Variants in LHX5 observed in about 807,000 individuals in gnomAD.
LHX5 encodes LIM/homeobox protein Lhx5.
In LHX5, 5 loss-of-function variants were observed where a neutral mutation model predicts 30.6. That is an observed-to-expected ratio of 0.16 (90% confidence interval 0.09 to 0.34). The LOEUF is 0.34. Ranked by LOEUF, LHX5 falls within the 10% of genes least tolerant of loss-of-function variation. The pLI, the probability that LHX5 is intolerant of heterozygous loss-of-function variation, is 1.00. For missense variants in LHX5, 458 were observed against 570.6 expected (o/e 0.80, Z 2.01); for synonymous variants, 266 against 252.6 (o/e 1.05, Z -0.50).
In LHX5 at chr12:113,465,678, TC is replaced by T. The variant is rs1344335573; in HGVS notation, c.841+1577del. 2.0e-5 allele frequency among the ~76,000 whole-genome samples: 3 copies of T among 152,324 alleles called. No individual in the cohort carries two copies. The highest frequency in any genetic ancestry group is 2.0e-4 in the Admixed American group (3 of 15,304). On this transcript the variant is annotated intron_variant, in intron 4 of 4. Coordinates refer to ENST00000261731, the MANE Select transcript of LHX5 (RefSeq NM_022363.3). This position sits in a 1 kb window ranked among gnomAD's most constrained non-coding sequence, Gnocchi z 6.7. ...GGTCGGGGCGGGGGCGAAGTGGTCC[TC>T]GGGGAAACCTTGGTTAATTATCCAG...
rs997440066 is a variant in LHX5 at position 113,467,515 on chromosome 12, T to C, written c.676-94A>G. ...TGACTGGGCTGCCCCTGCTGGGTCC[T>C]TGCGCCTCTTCCGCACCAGGACTCC... On this transcript the variant is annotated intron_variant, in intron 3 of 4. Transcript: ENST00000261731. This position sits in a 1 kb window ranked among gnomAD's most constrained non-coding sequence, Gnocchi z 6.3. The C allele has an allele frequency of 8.5e-7, 1 of 1,177,760 alleles. No homozygotes were observed. The highest frequency in any genetic ancestry group is 1.6e-5 in the African/African-American group (1 of 63,260). The allele number at this position is 1,177,760 out of a possible 1,614,324, so 73.0% of individuals were successfully genotyped here. A position where few individuals can be genotyped will look rare whatever the true frequency, so the allele number is the denominator to read the frequency against.
chr12:113,466,754 G>T lies in LHX5; in HGVS notation c.841+502C>A, dbSNP rs551823509. Among the ~76,000 whole-genome samples, 34 of 152,248 alleles carry T rather than the reference G, an allele frequency of 2.2e-4. No individual in the cohort carries two copies. Among genetic ancestry groups the T allele is most frequent in the African/African-American group, 7.7e-4 (32 of 41,548 alleles). On this transcript the variant is annotated intron_variant, in intron 4 of 4. Transcript: ENST00000261731. The surrounding 1 kb of genome is among the most constrained non-coding windows in gnomAD (Gnocchi z 6.5). Reference sequence around the variant, plus strand: ...CCCTCCCCTCACACTACCCTCCAGCGCTCGGAATCCACCTCATGCCAAGTA... The same window carrying T: ...CCCTCCCCTCACACTACCCTCCAGCTCTCGGAATCCACCTCATGCCAAGTA...
At chr12:113,470,911 T>A (rs1028666411) in intron 1 of LHX5, among the ~76,000 whole-genome samples, 2 of 152,236 alleles carry the variant, frequency 1.3e-5, no homozygotes, top group African/African-American at 4.8e-5. Flanking sequence ...TTGCGGCCGA[T>A]GGGCTCACAC....
At position 113,463,446 on chromosome 12, in the gene LHX5, G is replaced by A; in HGVS notation, c.953C>T (p.Pro318Leu). ...CAGCGCTCCCAGCGGCGTCGAGCCG[G>A]GGCCAGAGGCCGCCAGGAAGCTGGA... ...ADSSFLAASGPGSTPLGALEP... is the reference protein window; with the variant it reads ...ADSSFLAASGLGSTPLGALEP... Residue 318 changes from proline (P) to leucine (L), a missense_variant, in exon 5 of 5, where the codon CCC (proline) becomes CTC (leucine). Transcript: ENST00000261731. The surrounding 1 kb of genome is among the most constrained non-coding windows in gnomAD (Gnocchi z 6.7). 1.3e-6 allele frequency: 2 copies of A among 1,556,558 alleles called. No homozygotes were observed. Among genetic ancestry groups the A allele is most frequent in the Non-Finnish European group, 1.7e-6 (2 of 1,154,794 alleles).
Position 113,465,268 on chromosome 12 carries a change from G to A in LHX5, c.842-1711C>T, listed in dbSNP as rs1279097807. Among the ~76,000 whole-genome samples, 2 of 152,198 alleles carry A rather than the reference G, an allele frequency of 1.3e-5. No individual in the cohort carries two copies. The highest frequency in any genetic ancestry group is 4.8e-5 in the African/African-American group (2 of 41,458). On this transcript the variant is annotated intron_variant, in intron 4 of 4. Transcript: ENST00000261731. The surrounding 1 kb of genome is among the most constrained non-coding windows in gnomAD (Gnocchi z 6.7). Reference sequence around the variant, plus strand: ...GGGAAGATGGGGAGCGGCAAATTTGGAGCCCCAAAGGGACAGGGATGGGAG... The same window carrying A: ...GGGAAGATGGGGAGCGGCAAATTTGAAGCCCCAAAGGGACAGGGATGGGAG...
rs34344688 is a variant in LHX5 at position 113,465,644 on chromosome 12, G to A, written c.841+1612C>T. Among the ~76,000 whole-genome samples the A allele has an allele frequency of 0.02, 3,063 of 152,344 alleles. 36 individuals are homozygous for A. The highest frequency in any genetic ancestry group is 0.046 in the South Asian group (222 of 4,828). On this transcript the variant is annotated intron_variant, in intron 4 of 4. Transcript: ENST00000261731. This position sits in a 1 kb window ranked among gnomAD's most constrained non-coding sequence, Gnocchi z 6.7. Reference sequence around the variant, plus strand: ...CATCCAGCGCGCAGGGAGAGGAGGCGGTGGGATAGGTCGGGGCGGGGGCGA... The same window carrying A: ...CATCCAGCGCGCAGGGAGAGGAGGCAGTGGGATAGGTCGGGGCGGGGGCGA...
At position 113,467,276 on chromosome 12, in the gene LHX5, G is replaced by C. The variant is rs990972390; in HGVS notation, c.821C>G (p.Thr274Ser). 1.1e-5 allele frequency: 16 copies of C among 1,516,850 alleles called. No homozygotes were observed. The African/African-American group carries it at 2.2e-4, about 21-fold the overall frequency. The allele number at this position is 1,516,850 out of a possible 1,614,324, so 94.0% of individuals were successfully genotyped here. Residue 274 changes from threonine to serine, a missense_variant, in exon 4 of 5, where the codon ACC (threonine) becomes AGC (serine). Coordinates refer to ENST00000261731, the MANE Select transcript of LHX5 (RefSeq NM_022363.3). The surrounding 1 kb of genome is among the most constrained non-coding windows in gnomAD (Gnocchi z 6.3). Reference sequence around the variant, plus strand: ...CTTACCTCCGTAGTAGGTGTACGGGGTGGACCCCAACATCTCAGACTCGTC... The same window carrying C: ...CTTACCTCCGTAGTAGGTGTACGGGCTGGACCCCAACATCTCAGACTCGTC... Reference protein sequence around the residue: ...RLDESEMLGSTPYTYYGDYQG... With the variant: ...RLDESEMLGSSPYTYYGDYQG...
Position 113,471,750 on chromosome 12 carries a change from C to T in LHX5, c.-252G>A, listed in dbSNP as rs918960683. ...CGGGCCGCACGCCCCGGCGCCTGTT[C>T]CGGGCTTCCCCAGGTATCTCGGGTG... is the stretch of plus-strand genomic sequence containing the variant. On this transcript the variant is annotated 5_prime_UTR_variant, in exon 1 of 5. Coordinates refer to ENST00000261731, the MANE Select transcript of LHX5 (RefSeq NM_022363.3). 13 of 457,262 alleles carry T rather than the reference C, an allele frequency of 2.8e-5. No individual in the cohort carries two copies. The highest frequency in any genetic ancestry group is 1.2e-4 in the Admixed American group (3 of 24,168). The allele number at this position is 457,262 out of a possible 1,614,324, so 28.3% of individuals were successfully genotyped here.
chr12:113,462,934 C>T lies in LHX5; in HGVS notation c.*256G>A. ...CCCTCCGGAGTATTGACTTTGGTCC[C>T]AAGAAATTGCTCGCGGTTGCTGGGA... is the stretch of plus-strand genomic sequence containing the variant. On this transcript the variant is annotated 3_prime_UTR_variant, in exon 5 of 5. Transcript: ENST00000261731. The T allele has an allele frequency of 2.4e-6, 1 of 415,660 alleles. No homozygotes were observed. The allele number at this position is 415,660 out of a possible 1,614,324, so 25.7% of individuals were successfully genotyped here.
Position 113,463,307 on chromosome 12 carries a change from C to T in LHX5, c.1092G>A (p.Met364Ile). ...GCCCGCCGCTGAATACCTCGCCGGG[C>T]ATGGGGTGCAGCGTGCCCGGCAGGC... ...EPGLPGTLHP[M>I]PGEVFSGGPS... Residue 364 changes from methionine to isoleucine, a missense_variant, in exon 5 of 5, where the codon ATG (methionine) becomes ATA (isoleucine). Physicochemically the swap from Met to Ile is conservative, Grantham distance 10. Around this residue, in one of 3 missense-constraint regions of LHX5, gnomAD observed 255 missense variants for 246.8 expected, o/e 1.03. Coordinates refer to ENST00000261731, the MANE Select transcript of LHX5 (RefSeq NM_022363.3). The surrounding 1 kb of genome is among the most constrained non-coding windows in gnomAD (Gnocchi z 6.7). 2 of 1,533,058 alleles carry T rather than the reference C, an allele frequency of 1.3e-6. No individual in the cohort carries two copies. The highest frequency in any genetic ancestry group is 1.2e-5 in the South Asian group (1 of 83,008). 95.0% of individuals were successfully genotyped at this position (1,533,058 alleles called of 1,614,324 possible).
chr12:113,469,410 C>G lies in LHX5; in HGVS notation c.174-65G>C, dbSNP rs903386637. On this transcript the variant is annotated intron_variant, in intron 1 of 4. Transcript: ENST00000261731. ...CATCCAGCCCTCCCCAGCCCCTGAC[C>G]TCTTCCCACCCGACCTGGCTTCGGT... 6.9e-6 allele frequency: 10 copies of G among 1,457,342 alleles called. No homozygotes were observed. The African/African-American group carries it at 1.3e-4, about 18-fold the overall frequency. The allele number at this position is 1,457,342 out of a possible 1,614,324, so 90.3% of individuals were successfully genotyped here. A position where few individuals can be genotyped will look rare whatever the true frequency, so the allele number is the denominator to read the frequency against.
In LHX5 at chr12:113,471,536, C is replaced by A; in HGVS notation, c.-38G>T. The stretch of plus-strand genomic sequence containing the variant: ...CGGCGGCTTCGGCCGCCTTGCCCTC[C>A]CTTTGGGCCCCTGGCCCTCGGGCCT... On this transcript the variant is annotated 5_prime_UTR_variant, in exon 1 of 5. Coordinates refer to ENST00000261731, the MANE Select transcript of LHX5 (RefSeq NM_022363.3). 1 of 1,545,214 alleles carries A rather than the reference C, an allele frequency of 6.5e-7. No individual in the cohort carries two copies.
chr12:113,463,780 C>A lies in LHX5; in HGVS notation c.842-223G>T, dbSNP rs1038715120. 1.3e-5 allele frequency among the ~76,000 whole-genome samples: 2 copies of A among 152,026 alleles called. No individual in the cohort carries two copies. Among genetic ancestry groups the A allele is most frequent in the East Asian group, 3.9e-4 (2 of 5,186 alleles). ...GAGACAATGAGAGATCTCGAAAGGG[C>A]AAGAGACTCAGACTGCCAGAGACCA... On this transcript the variant is annotated intron_variant, in intron 4 of 4. Transcript: ENST00000261731. This position sits in a 1 kb window ranked among gnomAD's most constrained non-coding sequence, Gnocchi z 6.7.
In LHX5 at chr12:113,471,248, G is replaced by A. The variant is rs564071216; in HGVS notation, c.173+78C>T. 56 of 1,461,464 alleles carry A rather than the reference G, an allele frequency of 3.8e-5. No homozygotes were observed. The Admixed American group carries it at 8.4e-4, about 22-fold the overall frequency. 90.5% of individuals were successfully genotyped at this position (1,461,464 alleles called of 1,614,324 possible). A position where few individuals can be genotyped will look rare whatever the true frequency, so the allele number is the denominator to read the frequency against. On this transcript the variant is annotated intron_variant, in intron 1 of 4. Transcript: ENST00000261731. ...TCCGGGGAGGCTGGGATGGGGATGG[G>A]GGTATCCCCTTCCCCAGCGCCCCAG...
At chr12:113,470,723 C>A (rs1958244492) in intron 1 of LHX5, among the ~76,000 whole-genome samples, 1 of 152,328 alleles carries the variant, frequency 6.6e-6, no homozygotes, top group East Asian at 1.9e-4. Context: ...GGAGGTGCCA[C>A]AGCCCAGTCT....
intron 1 of LHX5, 101 bp downstream of exon 1, chr12:113,471,225 C>T (rs1408213712): frequency 1.6e-6 from 2 of 1,255,370 alleles, no homozygotes; most frequent in South Asian, 1.4e-5. Flanking sequence ...GCTTGTGATC[C>T]GGGGAGGCTG....
chr12:113,471,781 T>C lies in LHX5; in HGVS notation c.-283A>G. 2 of 425,274 alleles carry C rather than the reference T, an allele frequency of 4.7e-6. No individual in the cohort carries two copies. 26.3% of individuals were successfully genotyped at this position (425,274 alleles called of 1,614,324 possible). A position where few individuals can be genotyped will look rare whatever the true frequency, so the allele number is the denominator to read the frequency against. On this transcript the variant is annotated 5_prime_UTR_variant, in exon 1 of 5. Transcript: ENST00000261731. ...TTCCCCAGGTATCTCGGGTGGCTGC[T>C]GGCCTCGGCGCTGCGGAGCGGCTTT...
intron 2 of LHX5, 65 bp downstream of exon 2, chr12:113,469,057 T>C (rs1198407262): frequency 7.9e-7 from 1 of 1,259,436 alleles, no homozygotes; most frequent in Non-Finnish European, 1.1e-6. Flanking sequence ...AAGTAGGGAG[T>C]GCCAGGCTGG....
chr12:113,468,503 G>A, intron 2 of LHX5, 99 bp from the exon 3 acceptor site: 1 of 1,403,894 alleles, frequency 7.1e-7, no homozygotes, highest in Non-Finnish European at 9.6e-7. Context: ...GCTACGGCCT[G>A]CCCAGGCTAC....
Sources: gnomAD v4.1 joint callset for allele counts (sites outside exome capture counted in the v4.1 genomes callset) on GRCh38, gnomAD v4.1.1 for gene constraint, gnomAD v4.1.1 regional missense constraint, Gnocchi (gnomAD v3.1) non-coding constraint, MANE v1.5 for transcripts, NCBI Gene and HGNC (gene_info 2026-07-23, HGNC 2026-07-21) for gene names.